Variants in FMN2 observed in about 807,000 individuals in gnomAD.
FMN2 encodes formin 2.
A neutral mutation model predicts 142.3 loss-of-function variants in FMN2; 51 were observed. The ratio of observed to expected loss-of-function variants is 0.36; its 90% confidence interval spans 0.29 to 0.45. The LOEUF is 0.45. Ranked by LOEUF, FMN2 falls within the 20% of genes least tolerant of loss-of-function variation. The probability of loss-of-function intolerance (pLI) is 1.00; values close to 1 mark genes in which losing one functional copy is unlikely to be tolerated. For synonymous variants in FMN2, 882 were observed against 869.8 expected, an observed-to-expected ratio of 1.01 and a Z score of -0.25; for missense variants, 1,936 against 2,122.8, an observed-to-expected ratio of 0.91 and a Z score of 1.73.
At chr1:240,287,457 C>T (rs1455552479) in intron 7 of FMN2, among the ~76,000 whole-genome samples, 3 of 152,180 alleles carry the variant, frequency 2.0e-5, no homozygotes, top group South Asian at 4.1e-4. Context: ...TAAATATGGG[C>T]TGATTTGTAC....
At chr1:240,170,692 G>T (rs556202347) in intron 2 of FMN2, 2 of 1,566,866 alleles carry the variant, frequency 1.3e-6, no homozygotes, top group African/African-American at 2.7e-5. Flanking sequence ...TCTAGGTTGT[G>T]GCATTTCAGC....
chr1:240,093,792 C>A, intron 1 of FMN2, 68 bp downstream of exon 1: 2 of 1,143,786 alleles, frequency 1.7e-6, no homozygotes, highest in Non-Finnish European at 2.2e-6. Context: ...CCCCTGCCAC[C>A]CGCCCTCCCT....
chr1:240,226,505 A>G (rs1667304768), intron 6 of FMN2, among the ~76,000 whole-genome samples: 1 of 152,210 alleles, frequency 6.6e-6, no homozygotes, highest in African/African-American at 2.4e-5. Context: ...TTTGTTGCTA[A>G]AAGACCTGGC....
chr1:240,340,757 T>C (rs934122033), intron 13 of FMN2, among the ~76,000 whole-genome samples: 5 of 152,230 alleles, frequency 3.3e-5, no homozygotes, highest in African/African-American at 4.8e-5. Flanking sequence ...TGATGACTTG[T>C]ATAATTTTCT....
At chr1:240,113,756 T>C (rs1327345957) in intron 1 of FMN2, among the ~76,000 whole-genome samples, 1 of 152,096 alleles carries the variant, frequency 6.6e-6, no homozygotes, top group Non-Finnish European at 1.5e-5. Context: ...TCAAATTACA[T>C]TCCTTGAACA....
At chr1:240,424,106 C>T (rs1674857959) in intron 15 of FMN2, among the ~76,000 whole-genome samples, 1 of 152,090 alleles carries the variant, frequency 6.6e-6, no homozygotes, top group African/African-American at 2.4e-5. Flanking sequence ...TCTGATACGT[C>T]TGTTAAACAG....
intron 6 of FMN2, among the ~76,000 whole-genome samples, chr1:240,219,149 A>G (rs1667014063): frequency 6.6e-6 from 1 of 152,090 alleles, no homozygotes; most frequent in African/African-American, 2.4e-5. Context: ...GTGAATGTAG[A>G]TCATTTATAT....
chr1:240,267,870 CA>C (rs1165879796), intron 7 of FMN2, among the ~76,000 whole-genome samples: 1 of 152,016 alleles, frequency 6.6e-6, no homozygotes, highest in Non-Finnish European at 1.5e-5. Context: ...ACACACTTCT[CA>C]AAAGAAGACA....
intron 1 of FMN2, among the ~76,000 whole-genome samples, chr1:240,120,142 C>T (rs1662176126): frequency 6.6e-6 from 1 of 152,120 alleles, no homozygotes; most frequent in South Asian, 2.1e-4. Context: ...ATATCAAAGG[C>T]AGCTTTTGAG....
rs988771570 is a variant in FMN2 at position 240,419,115 on chromosome 1, T to TA, written c.4911-18940dup. Among the ~76,000 whole-genome samples the TA allele has an allele frequency of 3.3e-5, 5 of 152,034 alleles. No individual in the cohort carries two copies. The East Asian group carries it at 5.8e-4, about 18-fold the overall frequency. On this transcript the variant is annotated intron_variant, in intron 15 of 17. Transcript: ENST00000319653. ...AAGAGCAAAACTCCATCTCAAAAAA[T>TA]AAAAAATATAAATATAAATAAAAAG...
At chr1:240,151,432 G>A (rs1390058882) in intron 2 of FMN2, among the ~76,000 whole-genome samples, 1 of 151,922 alleles carries the variant, frequency 6.6e-6, no homozygotes, top group African/African-American at 2.4e-5. Context: ...GACCCAACAG[G>A]CAGCTTTCAT....
chr1:240,274,947 A>T (rs1669142430), intron 7 of FMN2, among the ~76,000 whole-genome samples: 1 of 152,208 alleles, frequency 6.6e-6, no homozygotes, highest in South Asian at 2.1e-4. Flanking sequence ...TGTTTGCTTG[A>T]GAGAGAATGG....
chr1:240,210,537 T>A lies in FMN2; in HGVS notation c.3921-554T>A, dbSNP rs1666650892. ...TTTTAAACTGTGCCCCAAAGTCATT[T>A]TCTCTAGATATGACAGGGGAAGTTC... On this transcript the variant is annotated intron_variant, in intron 5 of 17. Coordinates refer to ENST00000319653, the MANE Select transcript of FMN2 (RefSeq NM_020066.5). Among the ~76,000 whole-genome samples, 3 of 152,224 alleles carry A rather than the reference T, an allele frequency of 2.0e-5. 1 individual carries two copies. Among genetic ancestry groups the A allele is most frequent in the Admixed American group, 6.5e-5 (1 of 15,270 alleles).
intron 4 of FMN2, among the ~76,000 whole-genome samples, chr1:240,205,355 A>G (rs562711431): frequency 1.5e-3 from 221 of 150,204 alleles, no homozygotes; most frequent in African/African-American, 5.4e-3. Flanking sequence ...TTGTCTTCCT[A>G]TGTTTGTTTG....
intron 7 of FMN2, among the ~76,000 whole-genome samples, chr1:240,259,792 G>C (rs1668568364): frequency 6.6e-6 from 1 of 152,106 alleles, no homozygotes; most frequent in South Asian, 2.1e-4. Flanking sequence ...GGAACAGGTG[G>C]TATTTGGTTA....
rs1471697427 is a variant in FMN2 at position 240,459,717 on chromosome 1, T to TTAAAAAAAAA, written c.5061-12655_5061-12654insTAAAAAAAAA. On this transcript the variant is annotated intron_variant, in intron 16 of 17. Transcript: ENST00000319653. The stretch of plus-strand genomic sequence containing the variant: ...GGGTGACAGAACAAGACTCTGTCTC[T>TTAAAAAAAAA]AAAAAAAAAAAAAAAAAAAAAAAAA... 3.7e-4 allele frequency among the ~76,000 whole-genome samples: 25 copies of TTAAAAAAAAA among 67,128 alleles called. 4 individuals are homozygous for TTAAAAAAAAA. Among genetic ancestry groups the TTAAAAAAAAA allele is most frequent in the African/African-American group, 1.2e-3 (23 of 19,484 alleles). The allele number at this position is 67,128 out of a possible 152,430, so 44.0% of individuals were successfully genotyped here.
intron 2 of FMN2, among the ~76,000 whole-genome samples, chr1:240,163,003 T>C (rs1212058504): frequency 1.3e-5 from 2 of 152,186 alleles, no homozygotes; most frequent in African/African-American, 2.4e-5. Context: ...TTTTCAATAA[T>C]GTGTGATTTA....
intron 13 of FMN2, among the ~76,000 whole-genome samples, chr1:240,348,254 C>G (rs796963994): frequency 1.7e-4 from 25 of 149,726 alleles, no homozygotes; most frequent in African/African-American, 6.2e-4. Flanking sequence ...TAGAGTCTCA[C>G]TCTGTCACCC....
At chr1:240,325,078 G>C (rs1022409436) in intron 8 of FMN2, among the ~76,000 whole-genome samples, 1 of 151,998 alleles carries the variant, frequency 6.6e-6, no homozygotes, top group Non-Finnish European at 1.5e-5. Context: ...TGAAGTAATC[G>C]GTTGAAGGGG....
Sources: gnomAD v4.1 joint callset for allele counts (sites outside exome capture counted in the v4.1 genomes callset) on GRCh38, gnomAD v4.1.1 for gene constraint, MANE v1.5 for transcripts, NCBI Gene and HGNC (gene_info 2026-07-23, HGNC 2026-07-21) for gene names.